The following TMEM114 variants were observed in gnomAD, a reference collection of about 807,000 sequenced individuals.
The protein encoded by TMEM114 is transmembrane protein 114.
A neutral mutation model predicts 6.2 loss-of-function variants in TMEM114; 6 were observed. The observed-to-expected ratio is 0.97, with a 90% CI of 0.53 to 1.91. The LOEUF (loss-of-function observed/expected upper bound fraction) is 1.91. Among genes scored for constraint, TMEM114 ranks in the 40% most tolerant of loss-of-function variants. The pLI, the probability that TMEM114 is intolerant of heterozygous loss-of-function variation, is 0.01. For missense variants in TMEM114, 218 were observed against 158.3 expected, an observed-to-expected ratio of 1.38 and a Z score of -2.02; for synonymous variants, 104 against 73.0, an observed-to-expected ratio of 1.42 and a Z score of -2.16.
intron 2 of TMEM114, among the ~76,000 whole-genome samples, chr16:8,585,858 G>A (rs1902301585): frequency 6.6e-6 from 1 of 152,150 alleles, no homozygotes; most frequent in Non-Finnish European, 1.5e-5. Flanking sequence ...GCACAGGAGG[G>A]AACTGAGGCT....
At chr16:8,563,844 AGGG>A (rs1297276273) in intron 2 of TMEM114, among the ~76,000 whole-genome samples, 4 of 138,480 alleles carry the variant, frequency 2.9e-5, no homozygotes, top group African/African-American at 7.9e-5. Flanking sequence ...TGAGGGAGGG[AGGG>A]AGGGAGGGAG....
At chr16:8,566,787 C>G (rs371131694), downstream of TMEM114, among the ~76,000 whole-genome samples, 16 of 152,212 alleles carry the variant, frequency 1.1e-4, no homozygotes, top group African/African-American at 3.4e-4. Flanking sequence ...TCCCTACCTA[C>G]AGGTTCTTCA....
intron 2 of TMEM114, among the ~76,000 whole-genome samples, chr16:8,538,630 C>G (rs1900430046): frequency 6.6e-6 from 1 of 152,040 alleles, no homozygotes; most frequent in African/African-American, 2.4e-5. Context: ...GCCTCAGCCT[C>G]CCCAGCAGCT....
intron 2 of TMEM114, among the ~76,000 whole-genome samples, chr16:8,558,784 A>G (rs1402247198): frequency 2.0e-5 from 3 of 151,066 alleles, no homozygotes; most frequent in African/African-American, 7.3e-5. Context: ...TCTGTCACCC[A>G]GGCTGGAGTG....
rs548392335 is a variant in TMEM114, at chr16:8,570,065, C to T, written c.440-60G>A. 110 of 1,502,858 alleles carry T rather than the reference C, an allele frequency of 7.3e-5. No individual in the cohort carries two copies. In the African/African-American group the frequency reaches 1.3e-3, roughly 17 times the overall value. The allele number at this position is 1,502,858 out of a possible 1,614,324, so 93.1% of individuals were successfully genotyped here. On this transcript the variant is annotated intron_variant, in intron 3 of 3. Transcript: ENST00000620492. ...CCCACCCCGCCCCAGCACTCCCCTC[C>T]TCCTCCTCGCCCTGCCCAGCCACGC...
At chr16:8,535,417 TC>T (rs200289474), downstream of TMEM114, among the ~76,000 whole-genome samples, 42 of 151,110 alleles carry the variant, frequency 2.8e-4, no homozygotes, top group Admixed American at 4.6e-4. Context: ...GATTTTTTTT[TC>T]TTCTTACAAT....
downstream of TMEM114, among the ~76,000 whole-genome samples, chr16:8,535,209 C>T (rs571186325): frequency 4.0e-5 from 6 of 151,772 alleles, no homozygotes; most frequent in Non-Finnish European, 5.9e-5. Context: ...AAAATGCAGT[C>T]ATAGATACTA....
At chr16:8,538,372 C>T (rs1359064648) in intron 2 of TMEM114, among the ~76,000 whole-genome samples, 1 of 151,968 alleles carries the variant, frequency 6.6e-6, no homozygotes, top group Non-Finnish European at 1.5e-5. Flanking sequence ...GGGAGATAAG[C>T]CAGTGGGCAG....
At chr16:8,586,402 G>C (rs999447083) in intron 2 of TMEM114, among the ~76,000 whole-genome samples, 12 of 152,202 alleles carry the variant, frequency 7.9e-5, no homozygotes, top group Non-Finnish European at 1.5e-4. Flanking sequence ...GGCTCAGAGA[G>C]GTTAAGACAC....
At position 8,563,456 on chromosome 16, in the gene TMEM114, A is replaced by C. The variant is rs191561133; in HGVS notation, n.213-25630T>G. ...GAGGCAATGAGTAAGTGAATGAGTGAGTGAATGAGTAAGTGAATGAGTGAG... is the reference window on the plus strand; with the variant it reads ...GAGGCAATGAGTAAGTGAATGAGTGCGTGAATGAGTAAGTGAATGAGTGAG... On this transcript the variant is annotated intron_variant and non_coding_transcript_variant, in intron 2 of 2. Coordinates refer to the TMEM114 transcript ENST00000623677. 1.3e-3 allele frequency among the ~76,000 whole-genome samples: 195 copies of C among 151,286 alleles called. 1 individual carries two copies. Among genetic ancestry groups the C allele is most frequent in the Admixed American group, 3.0e-3 (46 of 15,260 alleles).
intron 2 of TMEM114, among the ~76,000 whole-genome samples, chr16:8,561,432 T>A (rs1901196800): frequency 6.6e-6 from 1 of 152,240 alleles, no homozygotes. Context: ...CCATGTTTAC[T>A]GTCTGTCATA....
At chr16:8,581,684 C>A (rs1399062367) in intron 2 of TMEM114, among the ~76,000 whole-genome samples, 1 of 152,226 alleles carries the variant, frequency 6.6e-6, no homozygotes, top group Non-Finnish European at 1.5e-5. Context: ...AAACTCCTGA[C>A]CTCAAGTGAT....
downstream of TMEM114, among the ~76,000 whole-genome samples, chr16:8,536,791 G>C (rs562442095): frequency 6.6e-6 from 1 of 152,150 alleles, no homozygotes; most frequent in African/African-American, 2.4e-5. Context: ...ACTGTTCATG[G>C]TCTAATTATC....
intron 2 of TMEM114, among the ~76,000 whole-genome samples, chr16:8,561,455 TACAC>T (rs1901197661): frequency 6.6e-6 from 1 of 152,190 alleles, no homozygotes; most frequent in Non-Finnish European, 1.5e-5. Context: ...CGTGCACTCA[TACAC>T]ACACATGCAC....
In TMEM114 at chr16:8,569,643, G is replaced by A; in HGVS notation, c.*130C>T. The A allele has an allele frequency of 6.9e-7, 1 of 1,439,014 alleles. No homozygotes were observed. The highest frequency in any genetic ancestry group is 9.1e-7 in the Non-Finnish European group (1 of 1,100,820). 89.1% of individuals were successfully genotyped at this position (1,439,014 alleles called of 1,614,324 possible). A position where few individuals can be genotyped will look rare whatever the true frequency, so the allele number is the denominator to read the frequency against. On this transcript the variant is annotated 3_prime_UTR_variant, in exon 4 of 4. Coordinates refer to ENST00000620492, the MANE Select transcript of TMEM114 (RefSeq NM_001146336.2). ...CCAAGCTTAGTCCGCGGGGATTTGT[G>A]GGGGAAGGAGGGGGGTGCCTGGCCT...
At position 8,590,286 on chromosome 16, in the gene TMEM114, C is replaced by G. The variant is rs1045466123; in HGVS notation, c.-448G>C. The G allele has an allele frequency of 6.2e-6, 1 of 161,708 alleles. No individual in the cohort carries two copies. The highest frequency in any genetic ancestry group is 2.0e-4 in the South Asian group (1 of 4,950). 10.0% of individuals were successfully genotyped at this position (161,708 alleles called of 1,614,324 possible). A position where few individuals can be genotyped will look rare whatever the true frequency, so the allele number is the denominator to read the frequency against. On this transcript the variant is annotated 5_prime_UTR_variant, in exon 1 of 4. Transcript: ENST00000620492. ...AATCCTCACTTTCCCCAGACTCCTACTCCCTCCATTCCCCTGCCTCACTCT... is the reference window on the plus strand; with the variant it reads ...AATCCTCACTTTCCCCAGACTCCTAGTCCCTCCATTCCCCTGCCTCACTCT...
downstream of TMEM114, among the ~76,000 whole-genome samples, chr16:8,535,043 G>C (rs1432322360): frequency 1.3e-5 from 2 of 152,186 alleles, no homozygotes; most frequent in Non-Finnish European, 2.9e-5. Context: ...CTGGTGCTGA[G>C]ATGCTATGGT....
chr16:8,557,722 C>G (rs993662550), intron 2 of TMEM114, among the ~76,000 whole-genome samples: 3 of 152,172 alleles, frequency 2.0e-5, no homozygotes, highest in African/African-American at 7.2e-5. Context: ...CCTCAATTTC[C>G]TCATTTTGGG....
chr16:8,549,990 C>G (rs1422519628), intron 2 of TMEM114, among the ~76,000 whole-genome samples: 1 of 152,204 alleles, frequency 6.6e-6, no homozygotes, highest in African/African-American at 2.4e-5. Flanking sequence ...AGCCTTCAGT[C>G]TGTAGCCAAA....
Sources: gnomAD v4.1 joint callset for allele counts (sites outside exome capture counted in the v4.1 genomes callset) on GRCh38, gnomAD v4.1.1 for gene constraint, MANE v1.5 for transcripts, NCBI Gene and HGNC (gene_info 2026-07-23, HGNC 2026-07-21) for gene names.